Variants in CSMD3 observed in about 807,000 individuals in gnomAD.
CSMD3 encodes the protein CUB and sushi domain-containing protein 3.
A neutral mutation model predicts 435.2 loss-of-function variants in CSMD3; 177 were observed. That is an observed-to-expected ratio of 0.41 (90% CI 0.36 to 0.46). The LOEUF is 0.46. Among genes scored for constraint, CSMD3 ranks in the 20% least tolerant of loss-of-function variants. The pLI, the probability that CSMD3 is intolerant of heterozygous loss-of-function variation, is 0.34. For synonymous variants in CSMD3, 1,656 were observed against 1,520.5 expected, an observed-to-expected ratio of 1.09 and a Z score of -2.07; for missense variants, 4,265 against 4,504.6, an observed-to-expected ratio of 0.95 and a Z score of 1.52.
chr8:113,029,592 C>A (rs970041545), intron 5 of CSMD3, among the ~76,000 whole-genome samples: 2 of 151,658 alleles, frequency 1.3e-5, no homozygotes, highest in East Asian at 1.9e-4. Context: ...ATGATTAAAA[C>A]ACTTAGCAAA....
intron 27 of CSMD3, among the ~76,000 whole-genome samples, chr8:112,523,680 T>A (rs954320666): frequency 6.6e-6 from 1 of 152,064 alleles, no homozygotes; most frequent in Non-Finnish European, 1.5e-5. Context: ...GAAATGCAGA[T>A]GGTAACCTAG....
intron 65 of CSMD3, among the ~76,000 whole-genome samples, chr8:112,242,368 A>C (rs1814253638): frequency 6.6e-6 from 1 of 152,098 alleles, no homozygotes; most frequent in Non-Finnish European, 1.5e-5. Context: ...ATGTATCCTA[A>C]GAACAATGTA....
chr8:112,425,317 G>C (rs1050488779), intron 32 of CSMD3, among the ~76,000 whole-genome samples: 1 of 152,108 alleles, frequency 6.6e-6, no homozygotes, highest in Non-Finnish European at 1.5e-5. Flanking sequence ...TTCAAATTGT[G>C]AACCCCAATT....
rs536329289 is a variant in CSMD3, at chr8:112,241,732, G to T, written c.10456C>A (p.Pro3486Thr). ...DPRPALGTPS[P>T]KLSVPDDVFA... ...TGACATTACTAACCACTTAGCTTTG[G>T]GCTGGGTGTTCCCAGTGCAGGTCTA... The change falls in exon 66 of 71, where the codon CCA (proline) becomes ACA (threonine). Residue 3486 changes from proline to threonine, a missense_variant. Around this residue, in one of 3 missense-constraint regions of CSMD3, gnomAD observed 3,255 missense variants for 3,380.2 expected, o/e 0.96. Coordinates refer to ENST00000297405, the MANE Select transcript of CSMD3 (RefSeq NM_198123.2). The T allele has an allele frequency of 6.2e-7, 1 of 1,611,450 alleles. No individual in the cohort carries two copies. The highest frequency in any genetic ancestry group is 8.5e-7 in the Non-Finnish European group (1 of 1,177,810).
At chr8:112,229,298 T>G (rs1940691669) in intron 69 of CSMD3, among the ~76,000 whole-genome samples, 1 of 152,174 alleles carries the variant, frequency 6.6e-6, no homozygotes, top group South Asian at 2.1e-4. Flanking sequence ...GGTAAGTGGC[T>G]TAGGTAGTGG....
intron 10 of CSMD3, among the ~76,000 whole-genome samples, chr8:112,880,896 C>T (rs1253421879): frequency 1.3e-5 from 2 of 151,978 alleles, no homozygotes; most frequent in Admixed American, 6.6e-5. Context: ...TATAACTTTT[C>T]TCATATACTA....
Position 112,337,629 on chromosome 8 carries a change from G to C in CSMD3, c.6755C>G (p.Pro2252Arg). The C allele has an allele frequency of 6.2e-7, 1 of 1,613,158 alleles. No homozygotes were observed. The highest frequency in any genetic ancestry group is 8.5e-7 in the Non-Finnish European group (1 of 1,179,220). Reference protein sequence around the residue: ...VGQTISFECFPGYTLIGNSAL... With the variant: ...VGQTISFECFRGYTLIGNSAL... ...TGAATTTCCAATTAATGTGTATCCT[G>C]GGAAACATTCAAATGAAATGGTTTG... The change falls in exon 43 of 71, where the codon CCA (proline) becomes CGA (arginine). Residue 2252 changes from proline to arginine, a missense_variant. Physicochemically the swap from Pro to Arg is moderately radical, Grantham distance 103. Around this residue, in one of 3 missense-constraint regions of CSMD3, gnomAD observed 3,255 missense variants for 3,380.2 expected, o/e 0.96. Transcript: ENST00000297405.
chr8:112,973,199 A>G (rs531813849), intron 7 of CSMD3, among the ~76,000 whole-genome samples: 1 of 152,074 alleles, frequency 6.6e-6, no homozygotes, highest in Non-Finnish European at 1.5e-5. Context: ...GAGTAGTGTT[A>G]TACGACTGGA....
intron 5 of CSMD3, among the ~76,000 whole-genome samples, chr8:113,021,107 G>A (rs2086669249): frequency 6.6e-6 from 1 of 152,116 alleles, no homozygotes; most frequent in African/African-American, 2.4e-5. Flanking sequence ...TTGGTTTGCA[G>A]TGCATTTTCC....
rs1825324338 is a variant in CSMD3, at chr8:112,343,022, TATATATATATA to T, written c.6443-1347_6443-1337del. On this transcript the variant is annotated intron_variant, in intron 41 of 70. Coordinates refer to ENST00000297405, the MANE Select transcript of CSMD3 (RefSeq NM_198123.2). ...ATATTTATATATATATATATTTATA[TATATATATATA>T]GTTTAAATACATTGGACCTAATATT... 2.2e-5 allele frequency among the ~76,000 whole-genome samples: 3 copies of T among 137,644 alleles called. No homozygotes were observed. The East Asian group carries it at 6.2e-4, about 29-fold the overall frequency. 90.3% of individuals were successfully genotyped at this position (137,644 alleles called of 152,430 possible). A position where few individuals can be genotyped will look rare whatever the true frequency, so the allele number is the denominator to read the frequency against.
chr8:112,259,589 TAATA>T (rs1010901777), intron 61 of CSMD3, among the ~76,000 whole-genome samples: 1 of 152,032 alleles, frequency 6.6e-6, no homozygotes, highest in Non-Finnish European at 1.5e-5. Flanking sequence ...TAAAGTATAA[TAATA>T]AATAAATAAA....
At chr8:113,115,751 G>A (rs2090804912) in intron 4 of CSMD3, among the ~76,000 whole-genome samples, 1 of 152,194 alleles carries the variant, frequency 6.6e-6, no homozygotes, top group South Asian at 2.1e-4. Flanking sequence ...TGCTACAGAT[G>A]TGAGTAAATG....
At chr8:112,606,516 C>T (rs150830320) in intron 22 of CSMD3, among the ~76,000 whole-genome samples, 2 of 152,288 alleles carry the variant, frequency 1.3e-5, no homozygotes, top group Non-Finnish European at 2.9e-5. Flanking sequence ...CAAAGAAACA[C>T]TGTACTTGAA....
chr8:113,357,147 G>A (rs1588587738), intron 1 of CSMD3, among the ~76,000 whole-genome samples: 1 of 152,118 alleles, frequency 6.6e-6, no homozygotes, highest in South Asian at 2.1e-4. Flanking sequence ...GATTTATATA[G>A]CAGTTGTTAA....
intron 2 of CSMD3, among the ~76,000 whole-genome samples, chr8:113,301,799 C>G (rs1237722474): frequency 1.3e-5 from 2 of 151,872 alleles, no homozygotes; most frequent in East Asian, 1.9e-4. Flanking sequence ...TTTATAACAT[C>G]AAACTTGAAC....
At chr8:112,376,667 A>G (rs1257390505) in intron 38 of CSMD3, among the ~76,000 whole-genome samples, 1 of 152,138 alleles carries the variant, frequency 6.6e-6, no homozygotes, top group African/African-American at 2.4e-5. Flanking sequence ...TCTAAACCCC[A>G]TTATGGACAC....
At position 112,629,446 on chromosome 8, in the gene CSMD3, A is replaced by T. The variant is rs1324031847; in HGVS notation, c.3715+7371T>A. On this transcript the variant is annotated intron_variant, in intron 22 of 70. Coordinates refer to ENST00000297405, the MANE Select transcript of CSMD3 (RefSeq NM_198123.2). ...TTTTAAACCCATATTCTTACAGATT[A>T]AAAAAATCATTTGTTTGCTTATGTA... Among the ~76,000 whole-genome samples the T allele has an allele frequency of 2.6e-5, 4 of 152,136 alleles. No homozygotes were observed. The East Asian group carries it at 7.7e-4, about 29-fold the overall frequency.
In CSMD3 at chr8:112,292,549, G is replaced by C. The variant is rs2130687719; in HGVS notation, c.8776C>G (p.Pro2926Ala). ...QANRQWSHPP[P>A]MCKVVNCSDP... The stretch of plus-strand genomic sequence containing the variant: ...CTTAGACATTTACCTTTGCACATAG[G>C]TGGAGGATGGCTCCACTGTCTGTTG... Residue 2926 changes from proline (P) to alanine (A), a missense_variant, in exon 55 of 71, where the codon CCT becomes GCT. Physicochemically the swap from Pro to Ala is conservative, Grantham distance 27. This residue lies in a region of CSMD3 where 3,255 missense variants were observed against 3,380.2 expected (regional missense o/e 0.96). Transcript: ENST00000297405. 1 of 1,613,742 alleles carries C rather than the reference G, an allele frequency of 6.2e-7. No homozygotes were observed. The highest frequency in any genetic ancestry group is 8.5e-7 in the Non-Finnish European group (1 of 1,179,748).
chr8:112,759,209 T>TCAATA (rs1372446169), intron 13 of CSMD3, among the ~76,000 whole-genome samples: 1 of 152,054 alleles, frequency 6.6e-6, no homozygotes, highest in Non-Finnish European at 1.5e-5. Flanking sequence ...GAAGACAGGA[T>TCAATA]CAATAAAATA....
Sources: gnomAD v4.1 joint callset for allele counts (sites outside exome capture counted in the v4.1 genomes callset) on GRCh38, gnomAD v4.1.1 for gene constraint, gnomAD v4.1.1 regional missense constraint, MANE v1.5 for transcripts, NCBI Gene and HGNC (gene_info 2026-07-23, HGNC 2026-07-21) for gene names.